The following ATG5 variants were observed in gnomAD, a reference collection of about 807,000 sequenced individuals.
ATG5 encodes autophagy related 5, also known as autophagy protein 5.
A neutral mutation model predicts 36.5 loss-of-function variants in ATG5; 14 were observed. The observed-to-expected ratio is 0.38, with a 90% CI of 0.25 to 0.60. The LOEUF (loss-of-function observed/expected upper bound fraction) is 0.60, where lower values mean the gene tolerates loss of function less well. Ranked by LOEUF, ATG5 falls within the 20% of genes least tolerant of loss-of-function variation. The probability of loss-of-function intolerance (pLI) is 0.60; values close to 1 mark genes in which losing one functional copy is unlikely to be tolerated. For synonymous variants in ATG5, 95 were observed against 101.5 expected, an observed-to-expected ratio of 0.94 and a Z score of 0.38; for missense variants, 195 against 326.7, an observed-to-expected ratio of 0.60 and a Z score of 3.11.
chr6:106,238,561 G>C (rs1280689747), intron 6 of ATG5, among the ~76,000 whole-genome samples: 1 of 152,154 alleles, frequency 6.6e-6, no homozygotes, highest in Non-Finnish European at 1.5e-5. Flanking sequence ...CATGGAGAAA[G>C]CTAGAACCTC....
intron 6 of ATG5, among the ~76,000 whole-genome samples, chr6:106,228,549 C>A (rs758706697): frequency 2.6e-5 from 4 of 152,046 alleles, no homozygotes; most frequent in Non-Finnish European, 5.9e-5. Context: ...AGGCCAAGAA[C>A]CCCAGGTCAG....
In ATG5 at chr6:106,214,062, G is replaced by A. The variant is rs182106065; in HGVS notation, c.574-11973C>T. On this transcript the variant is annotated intron_variant, in intron 6 of 7. Transcript: ENST00000369076. ...AAAAAGAAAACAGGGGTTTACACAG[G>A]ATATGCTGCCAGACTTTACCAACAA... Among the ~76,000 whole-genome samples the A allele has an allele frequency of 1.5e-4, 23 of 152,270 alleles. No individual in the cohort carries two copies. The East Asian group carries it at 3.7e-3, about 24-fold the overall frequency.
At chr6:106,225,986 G>A (rs1472845983) in intron 6 of ATG5, among the ~76,000 whole-genome samples, 2 of 152,208 alleles carry the variant, frequency 1.3e-5, no homozygotes, top group African/African-American at 4.8e-5. Context: ...CATGTATAGA[G>A]CTGTGTACAC....
At chr6:106,191,867 T>C (rs1198772219) in intron 7 of ATG5, among the ~76,000 whole-genome samples, 1 of 152,182 alleles carries the variant, frequency 6.6e-6, no homozygotes, top group Non-Finnish European at 1.5e-5. Flanking sequence ...TTCATTTTTT[T>C]AGTACTAGAT....
intron 6 of ATG5, among the ~76,000 whole-genome samples, chr6:106,228,668 C>T (rs1374739873): frequency 6.6e-6 from 1 of 152,094 alleles, no homozygotes; most frequent in African/African-American, 2.4e-5. Context: ...GACCTGAACC[C>T]GCAACCATGA....
intron 6 of ATG5, among the ~76,000 whole-genome samples, chr6:106,222,833 C>T (rs761875207): frequency 2.6e-5 from 4 of 152,010 alleles, no homozygotes; most frequent in Non-Finnish European, 4.4e-5. Flanking sequence ...CAGCATTTAA[C>T]CCAGAGGACA....
intron 5 of ATG5, among the ~76,000 whole-genome samples, chr6:106,277,949 ATTAT>A: frequency 6.6e-6 from 1 of 152,302 alleles, no homozygotes; most frequent in African/African-American, 2.4e-5. Context: ...AATTTTATTA[ATTAT>A]TTTTTTTTAG....
chr6:106,291,242 A>AAAT (rs1186362769), intron 4 of ATG5, among the ~76,000 whole-genome samples: 1 of 152,240 alleles, frequency 6.6e-6, no homozygotes, highest in Non-Finnish European at 1.5e-5. Flanking sequence ...TTAAGAGTCA[A>AAAT]AATTAATAAT....
At chr6:106,291,640 CA>C (rs1329649667) in intron 4 of ATG5, among the ~76,000 whole-genome samples, 1 of 152,050 alleles carries the variant, frequency 6.6e-6, no homozygotes, top group Non-Finnish European at 1.5e-5. Flanking sequence ...TTTTCACACA[CA>C]AAAAAATCTA....
chr6:106,258,443 T>G (rs1778885852), intron 5 of ATG5, among the ~76,000 whole-genome samples: 1 of 152,204 alleles, frequency 6.6e-6, no homozygotes, highest in South Asian at 2.1e-4. Context: ...AGGGAAAAGC[T>G]GTTGGTTCTC....
At chr6:106,294,845 G>GAAAAAAAAA (rs1219794619) in intron 3 of ATG5, among the ~76,000 whole-genome samples, 3 of 85,960 alleles carry the variant, frequency 3.5e-5, no homozygotes, top group Non-Finnish European at 4.9e-5. Flanking sequence ...CTTTTCTCAA[G>GAAAAAAAAA]AAAAAAAAAA....
intron 7 of ATG5, among the ~76,000 whole-genome samples, chr6:106,197,338 C>G (rs183591995): frequency 1.3e-5 from 2 of 152,272 alleles, no homozygotes; most frequent in African/African-American, 4.8e-5. Context: ...CTGGGCAACA[C>G]AGTGAGACCC....
intron 1 of ATG5, among the ~76,000 whole-genome samples, chr6:106,321,677 T>G (rs140729033): frequency 6.6e-6 from 1 of 152,168 alleles, no homozygotes; most frequent in Non-Finnish European, 1.5e-5. Context: ...TCCTCTTAAG[T>G]GTCGGCTTAA....
At chr6:106,267,153 T>C (rs1582631885) in intron 5 of ATG5, among the ~76,000 whole-genome samples, 1 of 152,250 alleles carries the variant, frequency 6.6e-6, no homozygotes, top group Non-Finnish European at 1.5e-5. Context: ...AGTCTCAGCA[T>C]ACAAAATCTA....
At chr6:106,294,573 T>C (rs1780454662) in intron 3 of ATG5, among the ~76,000 whole-genome samples, 1 of 151,934 alleles carries the variant, frequency 6.6e-6, no homozygotes, top group South Asian at 2.1e-4. Flanking sequence ...ATCCCAACAC[T>C]TTGGGGGGCC....
intron 3 of ATG5, among the ~76,000 whole-genome samples, chr6:106,298,275 T>C (rs1335633069): frequency 6.6e-6 from 1 of 152,172 alleles, no homozygotes; most frequent in Non-Finnish European, 1.5e-5. Flanking sequence ...TGTCAAAATC[T>C]TAAAATTTTT....
chr6:106,210,904 C>T (rs998277498), intron 6 of ATG5, among the ~76,000 whole-genome samples: 3 of 152,076 alleles, frequency 2.0e-5, no homozygotes, highest in Non-Finnish European at 4.4e-5. Context: ...ACTTGACTCT[C>T]AACAGAACTC....
At chr6:106,263,821 A>C (rs1475011478) in intron 5 of ATG5, among the ~76,000 whole-genome samples, 1 of 151,190 alleles carries the variant, frequency 6.6e-6, no homozygotes, top group Admixed American at 6.6e-5. Flanking sequence ...CCACAAAAAA[A>C]CTCCATCCAA....
chr6:106,288,450 A>C (rs959613253), intron 4 of ATG5, among the ~76,000 whole-genome samples: 11 of 152,244 alleles, frequency 7.2e-5, no homozygotes, highest in Non-Finnish European at 5.9e-5. Flanking sequence ...CATACATCCA[A>C]ATCTATATGT....
Sources: gnomAD v4.1 joint callset for allele counts (sites outside exome capture counted in the v4.1 genomes callset) on GRCh38, gnomAD v4.1.1 for gene constraint, MANE v1.5 for transcripts, NCBI Gene and HGNC (gene_info 2026-07-23, HGNC 2026-07-21) for gene names.